CEP128: variants seen among roughly 807,000 people sequenced by gnomAD.
The protein encoded by CEP128 is centrosomal protein 128, also known as centrosomal protein 128kDa.
In CEP128, 132 loss-of-function variants were observed where a neutral mutation model predicts 156.7. The ratio of observed to expected loss-of-function variants is 0.84; its 90% CI spans 0.73 to 0.97. The LOEUF (loss-of-function observed/expected upper bound fraction) is 0.97. CEP128 is among the 50% of genes least tolerant of loss of function. The probability of loss-of-function intolerance (pLI) is 0.00; values close to 1 mark genes in which losing one functional copy is unlikely to be tolerated. For missense variants in CEP128, 1,252 were observed against 1,281.9 expected (o/e 0.98, Z 0.36); for synonymous variants, 469 against 448.9 (o/e 1.04, Z -0.57).
At chr14:80,495,614 C>A (rs1887466827), downstream of CEP128, among the ~76,000 whole-genome samples, 1 of 151,772 alleles carries the variant, frequency 6.6e-6, no homozygotes, top group Non-Finnish European at 1.5e-5. Context: ...TCAAGCATTT[C>A]TCAAGTAAAT....
intron 19 of CEP128, among the ~76,000 whole-genome samples, chr14:80,711,174 T>C (rs1160856900): frequency 6.6e-6 from 1 of 152,126 alleles, no homozygotes; most frequent in Non-Finnish European, 1.5e-5. Flanking sequence ...TGAATTCACT[T>C]AGGAGACCTT....
intron 9 of CEP128, among the ~76,000 whole-genome samples, chr14:80,843,227 G>A (rs531822001): frequency 6.6e-6 from 1 of 151,988 alleles, no homozygotes; most frequent in African/African-American, 2.4e-5. Flanking sequence ...CCCTTTGTCT[G>A]CTTTAAATGG....
At chr14:80,573,065 G>A (rs1891212791) in intron 20 of CEP128, among the ~76,000 whole-genome samples, 1 of 151,466 alleles carries the variant, frequency 6.6e-6, no homozygotes, top group African/African-American at 2.4e-5. Flanking sequence ...TGGGATTACA[G>A]GTGTGGGCTA....
intron 19 of CEP128, among the ~76,000 whole-genome samples, chr14:80,640,409 G>C (rs1285143233): frequency 6.6e-6 from 1 of 152,004 alleles, no homozygotes; most frequent in South Asian, 2.1e-4. Flanking sequence ...TACTATAAAA[G>C]GGCTCTCATT....
downstream of CEP128, among the ~76,000 whole-genome samples, chr14:80,487,011 A>C (rs1457377760): frequency 6.6e-6 from 1 of 152,162 alleles, no homozygotes; most frequent in Non-Finnish European, 1.5e-5. Context: ...ACAGGACCAA[A>C]TACATACATA....
At chr14:80,664,175 C>T (rs1435448135) in intron 19 of CEP128, among the ~76,000 whole-genome samples, 1 of 152,056 alleles carries the variant, frequency 6.6e-6, no homozygotes, top group Non-Finnish European at 1.5e-5. Flanking sequence ...ACCTAAAAAT[C>T]AGAAATAGGA....
At chr14:80,786,327 CA>C (rs1901404014) in intron 14 of CEP128, among the ~76,000 whole-genome samples, 1 of 151,982 alleles carries the variant, frequency 6.6e-6, no homozygotes, top group African/African-American at 2.4e-5. Flanking sequence ...ACACTGGCAC[CA>C]AAGATAATCT....
At chr14:80,859,598 T>C (rs1181982444) in intron 9 of CEP128, among the ~76,000 whole-genome samples, 4 of 152,086 alleles carry the variant, frequency 2.6e-5, no homozygotes, top group Non-Finnish European at 4.4e-5. Context: ...CTGGCATTCA[T>C]GTGACTTCAA....
chr14:80,602,074 T>C (rs1250181877), intron 19 of CEP128, among the ~76,000 whole-genome samples: 1 of 152,128 alleles, frequency 6.6e-6, no homozygotes, highest in East Asian at 1.9e-4. Context: ...CAATACAGAC[T>C]TTTAGACAAA....
At chr14:80,703,374 A>G (rs528511122) in intron 19 of CEP128, among the ~76,000 whole-genome samples, 173 of 152,186 alleles carry the variant, frequency 1.1e-3, no homozygotes, top group Non-Finnish European at 1.0e-3. Context: ...CAGTTATTTA[A>G]GACTTTTAGC....
chr14:80,769,459 T>C (rs1387836302), intron 16 of CEP128, among the ~76,000 whole-genome samples: 8 of 151,932 alleles, frequency 5.3e-5, no homozygotes, highest in Admixed American at 4.6e-4. Context: ...CCCCGGTGTG[T>C]GACGTTCCCA....
At position 80,862,867 on chromosome 14, in the gene CEP128, C is replaced by A. The variant is rs1566678361; in HGVS notation, c.652G>T (p.Asp218Tyr). 1.2e-6 allele frequency: 2 copies of A among 1,612,464 alleles called. No homozygotes were observed. Among genetic ancestry groups the A allele is most frequent in the Non-Finnish European group, 1.7e-6 (2 of 1,178,580 alleles). Residue 218 changes from aspartate to tyrosine, a missense_variant, in exon 9 of 25, where the codon GAT becomes TAT. Transcript: ENST00000555265. ...TCCTGAAGCCGCCGCTCCACCCGAT[C>A]TGAAACCTTAATAAGAATTCAGAGA... ...NEAQKQEVVS[D>Y]RVERRLQELE...
chr14:80,751,631 CT>C lies in CEP128; in HGVS notation c.2613+5260del, dbSNP rs550491859. On this transcript the variant is annotated intron_variant, in intron 18 of 24. Transcript: ENST00000555265. ...ACAGAGAATAAATTTGTAAATATGT[CT>C]TTTTTTTTTTTTTTTGAGATGGAGT... Among the ~76,000 whole-genome samples the C allele has an allele frequency of 5.6e-3, 776 of 138,602 alleles. 2 individuals carry two copies. Among genetic ancestry groups the C allele is most frequent in the African/African-American group, 0.011 (420 of 37,724 alleles). 90.9% of individuals were successfully genotyped at this position (138,602 alleles called of 152,430 possible).
chr14:80,765,543 A>G (rs1900196281), intron 16 of CEP128, among the ~76,000 whole-genome samples: 1 of 152,236 alleles, frequency 6.6e-6, no homozygotes, highest in African/African-American at 2.4e-5. Context: ...AAAATGTGGT[A>G]TATTAGAGAA....
chr14:80,901,637 A>G (rs1883565780), intron 6 of CEP128, among the ~76,000 whole-genome samples: 1 of 152,196 alleles, frequency 6.6e-6, no homozygotes, highest in Admixed American at 6.5e-5. Context: ...TGATTTTCCA[A>G]TTTAGCAAAC....
chr14:80,883,188 C>A (rs369427430), intron 8 of CEP128, among the ~76,000 whole-genome samples: 2 of 151,624 alleles, frequency 1.3e-5, no homozygotes, highest in Admixed American at 6.6e-5. Context: ...ACTACCTACC[C>A]GCAAAATTTT....
intron 19 of CEP128, among the ~76,000 whole-genome samples, chr14:80,714,680 C>T (rs1897537774): frequency 6.6e-6 from 1 of 150,416 alleles, no homozygotes; most frequent in African/African-American, 2.5e-5. Flanking sequence ...TTTCAAAGCC[C>T]CCATGAAACC....
intron 19 of CEP128, among the ~76,000 whole-genome samples, chr14:80,676,196 G>A (rs749659064): frequency 5.9e-5 from 9 of 151,976 alleles, no homozygotes; most frequent in Non-Finnish European, 1.2e-4. Context: ...ACACAAGGTA[G>A]ATCACCCTTT....
At chr14:80,817,483 A>T (rs1490465777) in intron 13 of CEP128, among the ~76,000 whole-genome samples, 8 of 152,308 alleles carry the variant, frequency 5.3e-5, no homozygotes, top group East Asian at 1.9e-4. Context: ...ACATTTTTTT[A>T]AAATGTAAGA....
Sources: gnomAD v4.1 joint callset for allele counts (sites outside exome capture counted in the v4.1 genomes callset) on GRCh38, gnomAD v4.1.1 for gene constraint, MANE v1.5 for transcripts, NCBI Gene and HGNC (gene_info 2026-07-23, HGNC 2026-07-21) for gene names.